Variants in DISC1 observed in about 807,000 individuals in gnomAD.
DISC1 encodes the protein DISC1 scaffold protein, also known as disrupted in schizophrenia 1 protein.
Under a neutral mutation model 84.5 loss-of-function variants are expected in DISC1, and 57 were observed. The ratio of observed to expected loss-of-function variants is 0.67; its 90% CI spans 0.55 to 0.84. DISC1 has a LOEUF of 0.84. DISC1 is among the 40% of genes least tolerant of loss of function. The probability of loss-of-function intolerance (pLI) is 0.00; values close to 1 mark genes in which losing one functional copy is unlikely to be tolerated. For missense variants in DISC1, 1,000 were observed against 1,057.8 expected (o/e 0.95, Z 0.76); for synonymous variants, 411 against 415.2 (o/e 0.99, Z 0.12).
intron 1 of DISC1, among the ~76,000 whole-genome samples, chr1:231,666,883 G>A (rs1190025090): frequency 6.6e-6 from 1 of 152,226 alleles, no homozygotes; most frequent in African/African-American, 2.4e-5. Flanking sequence ...AGTTCTCAGA[G>A]AGGGCCTTGT....
chr1:232,002,514 T>C (rs1394020034), intron 10 of DISC1, among the ~76,000 whole-genome samples: 1 of 151,802 alleles, frequency 6.6e-6, no homozygotes, highest in Admixed American at 6.6e-5. Context: ...CACACTGTGG[T>C]ACATACCTAG....
chr1:231,896,671 C>T (rs1010334264), intron 9 of DISC1, among the ~76,000 whole-genome samples: 27 of 152,100 alleles, frequency 1.8e-4, no homozygotes, highest in Non-Finnish European at 2.5e-4. Context: ...TCTGTGGTGA[C>T]CCTTGCTTTA....
At chr1:231,824,222 C>A (rs973880960) in intron 9 of DISC1, among the ~76,000 whole-genome samples, 1 of 152,104 alleles carries the variant, frequency 6.6e-6, no homozygotes, top group Non-Finnish European at 1.5e-5. Context: ...GCTTTGGAAC[C>A]AGATGAGTGT....
intron 3 of DISC1, among the ~76,000 whole-genome samples, chr1:231,715,897 G>A (rs183200902): frequency 1.8e-3 from 273 of 152,310 alleles, no homozygotes; most frequent in African/African-American, 6.3e-3. Flanking sequence ...CAGCTCAGCC[G>A]GGAATGGAGG....
At chr1:231,880,756 TGGG>T (rs3084383) in intron 9 of DISC1, among the ~76,000 whole-genome samples, 16 of 150,736 alleles carry the variant, frequency 1.1e-4, no homozygotes, top group Admixed American at 5.9e-4. Context: ...CAAGGCAAGG[TGGG>T]GGGGGGGTGA....
At chr1:231,997,551 T>A (rs1666111640) in intron 10 of DISC1, among the ~76,000 whole-genome samples, 1 of 152,066 alleles carries the variant, frequency 6.6e-6, no homozygotes, top group South Asian at 2.1e-4. Flanking sequence ...CCTACCTAGG[T>A]GCTTCAAGAA....
Position 231,971,583 on chromosome 1 carries a change from CA to C in DISC1, c.2042+12696del, listed in dbSNP as rs1166451796. On this transcript the variant is annotated intron_variant, in intron 10 of 12. Coordinates refer to ENST00000439617, the MANE Select transcript of DISC1 (RefSeq NM_018662.3). ...TCTCCAGCCACCCTGAGTCATACAA[CA>C]GCTGTGAGAACATTAGTTACAAGGG... Among the ~76,000 whole-genome samples the C allele has an allele frequency of 2.0e-5, 3 of 152,340 alleles. No individual in the cohort carries two copies. The East Asian group carries it at 5.8e-4, about 29-fold the overall frequency.
intron 3 of DISC1, among the ~76,000 whole-genome samples, chr1:231,732,711 C>A (rs145794996): frequency 6.6e-6 from 1 of 152,298 alleles, no homozygotes; most frequent in East Asian, 1.9e-4. Context: ...TCTCTTTCTC[C>A]AGTAAGTGCT....
intron 9 of DISC1, among the ~76,000 whole-genome samples, chr1:231,922,638 A>G (rs945059672): frequency 2.6e-5 from 4 of 151,968 alleles, no homozygotes; most frequent in African/African-American, 9.7e-5. Context: ...GCATTTGGGA[A>G]TCACTGAGGC....
intron 1 of DISC1, chr1:231,629,373 T>C (rs1214891519): frequency 6.5e-6 from 1 of 153,046 alleles, no homozygotes; most frequent in Non-Finnish European, 1.5e-5. Flanking sequence ...CCCCGGGACT[T>C]TTCTGCAGGA....
rs113775545 is a variant in DISC1 at position 231,800,023 on chromosome 1, C to G, written c.1690-85C>G. 2.1e-5 allele frequency: 20 copies of G among 958,642 alleles called. 1 individual carries two copies. The highest frequency in any genetic ancestry group is 9.9e-5 in the African/African-American group (6 of 60,720). 59.4% of individuals were successfully genotyped at this position (958,642 alleles called of 1,614,324 possible). A position where few individuals can be genotyped will look rare whatever the true frequency, so the allele number is the denominator to read the frequency against. On this transcript the variant is annotated intron_variant, in intron 7 of 12. Transcript: ENST00000439617. Reference sequence around the variant, plus strand: ...TCACCCCTTTTAATTACTTACAAACCCAGAAATCTCTGACCTGGCTGTTCC... The same window carrying G: ...TCACCCCTTTTAATTACTTACAAACGCAGAAATCTCTGACCTGGCTGTTCC...
intron 9 of DISC1, among the ~76,000 whole-genome samples, chr1:231,847,277 C>G (rs1001739840): frequency 6.6e-6 from 1 of 152,084 alleles, no homozygotes; most frequent in Non-Finnish European, 1.5e-5. Context: ...GCCGATCAGA[C>G]TGGTTTAGGG....
intron 9 of DISC1, among the ~76,000 whole-genome samples, chr1:231,873,847 A>AT (rs1558677091): frequency 3.3e-5 from 1 of 30,256 alleles, no homozygotes; most frequent in Non-Finnish European, 6.3e-5. Flanking sequence ...CATCTTAAAT[A>AT]ATTTTTTTTT....
rs1178631085 is a variant in DISC1, at chr1:231,954,300, G to A, written c.1982-4528G>A. Among the ~76,000 whole-genome samples the A allele has an allele frequency of 3.9e-5, 6 of 152,206 alleles. No homozygotes were observed. The highest frequency in any genetic ancestry group is 8.8e-5 in the Non-Finnish European group (6 of 68,036). ...TAATTAGTGCCAAGTATATGGTCTT[G>A]CATGAAGGAGGACCCAGATTGAACT... On this transcript the variant is annotated intron_variant, in intron 9 of 12. Coordinates refer to ENST00000439617, the MANE Select transcript of DISC1 (RefSeq NM_018662.3). This position sits in a 1 kb window ranked among gnomAD's most constrained non-coding sequence, Gnocchi z 4.8.
In DISC1 at chr1:231,694,515, G is replaced by T; in HGVS notation, c.757G>T (p.Asp253Tyr). 6.2e-7 allele frequency: 1 copy of T among 1,614,274 alleles called. No individual in the cohort carries two copies. The highest frequency in any genetic ancestry group is 8.5e-7 in the Non-Finnish European group (1 of 1,180,050). The change falls in exon 2 of 13, where the codon GAC (aspartate) becomes TAC (tyrosine). Residue 253 changes from aspartate (D) to tyrosine (Y), a missense_variant. This residue lies in a region of DISC1 where 311 missense variants were observed against 400.1 expected (regional missense o/e 0.78). Coordinates refer to ENST00000439617, the MANE Select transcript of DISC1 (RefSeq NM_018662.3). ...QEMGAKAASL[D>Y]GPHEDPRCLS... ...GATGGGAGCCAAAGCTGCCAGCTTG[G>T]ACGGGCCTCACGAGGACCCGCGATG...
intron 10 of DISC1, among the ~76,000 whole-genome samples, chr1:231,966,400 A>G (rs1360249001): frequency 2.6e-5 from 4 of 152,196 alleles, no homozygotes; most frequent in Admixed American, 6.5e-5. Context: ...TATTTTCTCA[A>G]TTATTACATA....
intron 1 of DISC1, among the ~76,000 whole-genome samples, chr1:231,667,055 C>T (rs1046111319): frequency 6.6e-6 from 1 of 152,196 alleles, no homozygotes; most frequent in East Asian, 1.9e-4. Flanking sequence ...CTATGATCCC[C>T]TTGCACAGCC....
At chr1:231,909,947 T>C (rs929071097) in intron 9 of DISC1, among the ~76,000 whole-genome samples, 9 of 152,344 alleles carry the variant, frequency 5.9e-5, no homozygotes, top group African/African-American at 2.2e-4. Context: ...CTTCTAGATT[T>C]TCTAGTTTAT....
chr1:231,844,072 G>T (rs1317758365), intron 9 of DISC1, among the ~76,000 whole-genome samples: 2 of 152,172 alleles, frequency 1.3e-5, no homozygotes, highest in African/African-American at 4.8e-5. Context: ...GAGAGACTGT[G>T]GTCAGGGATG....
Sources: allele counts gnomAD v4.1 joint callset (sites outside exome capture counted in the v4.1 genomes callset), GRCh38; gene constraint gnomAD v4.1.1; regional missense constraint gnomAD v4.1.1; non-coding constraint Gnocchi (gnomAD v3.1); transcripts MANE v1.5; gene names NCBI Gene and HGNC (gene_info 2026-07-23, HGNC 2026-07-21).